The following CDC42BPB variants were observed in gnomAD, a reference collection of about 807,000 sequenced individuals.
CDC42BPB encodes serine/threonine-protein kinase MRCK beta.
Under a neutral mutation model 214.9 loss-of-function variants are expected in CDC42BPB, and 37 were observed. The ratio of observed to expected loss-of-function variants is 0.17; its 90% CI spans 0.13 to 0.23. The LOEUF (loss-of-function observed/expected upper bound fraction) is 0.23, where lower values mean the gene tolerates loss of function less well. Among genes scored for constraint, CDC42BPB ranks in the 10% least tolerant of loss-of-function variants. The pLI, the probability that CDC42BPB is intolerant of heterozygous loss-of-function variation, is 1.00. For synonymous variants in CDC42BPB, 931 were observed against 884.0 expected, an observed-to-expected ratio of 1.05 and a Z score of -0.94; for missense variants, 1,694 against 2,227.0, an observed-to-expected ratio of 0.76 and a Z score of 4.82.
chr14:102,958,562 AGAG>A (rs1465174380), intron 21 of CDC42BPB, among the ~76,000 whole-genome samples: 1 of 152,066 alleles, frequency 6.6e-6, no homozygotes, highest in Non-Finnish European at 1.5e-5. Context: ...CAGGTTTCAA[AGAG>A]GAGGAAAGGC....
rs148759838 is a variant in CDC42BPB at position 102,949,854 on chromosome 14, G to A, written c.3360C>T (p.Val1120=). 2.1e-3 allele frequency: 3,400 copies of A among 1,613,642 alleles called. 6 individuals carry two copies. Among genetic ancestry groups the A allele is most frequent in the Middle Eastern group, 3.3e-3 (20 of 6,062 alleles). ...VKKGWQRAYA[V]VCDCKLFLYD... is the part of the protein sequence containing the mutation. ...ACAGGAAGAGCTTGCAGTCACAGAC[G>A]ACTGCATATGCGCGCTGCCATCCCT... The change falls in exon 26 of 37, where the codon GTC becomes GTT. Residue 1120 remains valine (V), a synonymous_variant. Transcript: ENST00000361246.
At chr14:102,961,783 T>A (rs537064411) in intron 20 of CDC42BPB, among the ~76,000 whole-genome samples, 4 of 152,302 alleles carry the variant, frequency 2.6e-5, no homozygotes, top group African/African-American at 9.6e-5. Context: ...CCTCAGGTGA[T>A]CCGCCCACCT....
chr14:102,937,033 C>A (rs1251570078), intron 36 of CDC42BPB: 2 of 151,938 alleles, frequency 1.3e-5, no homozygotes, highest in African/African-American at 2.4e-5. Context: ...ATAAAAAAAA[C>A]AAAAAAATTG....
intron 1 of CDC42BPB, among the ~76,000 whole-genome samples, chr14:103,043,602 C>T (rs1366423022): frequency 6.6e-6 from 1 of 151,842 alleles, no homozygotes; most frequent in Admixed American, 6.6e-5. Flanking sequence ...GACGAATATA[C>T]TAAAACACAC....
intron 34 of CDC42BPB, among the ~76,000 whole-genome samples, 167 bp downstream of exon 34, chr14:102,939,443 T>C (rs868325127): frequency 1.3e-5 from 2 of 152,192 alleles, no homozygotes; most frequent in Non-Finnish European, 1.5e-5. Flanking sequence ...TAAGTGCTCG[T>C]GAACAGAGCT....
At chr14:102,934,099 T>G in intron 36 of CDC42BPB, 5 of 1,129,118 alleles carry the variant, frequency 4.4e-6, no homozygotes, top group Non-Finnish European at 5.7e-6. Context: ...AACTCTGTAG[T>G]GAAGAAATCA....
At chr14:102,937,149 C>T (rs1175408632) in intron 36 of CDC42BPB, 1 of 152,270 alleles carries the variant, frequency 6.6e-6, no homozygotes, top group African/African-American at 2.4e-5. Context: ...ACACCATGTC[C>T]TCTGTATAAT....
intron 18 of CDC42BPB, 71 bp downstream of exon 18, chr14:102,966,211 T>C (rs537535546): frequency 8.7e-7 from 1 of 1,148,634 alleles, no homozygotes; most frequent in South Asian, 1.3e-5. Context: ...AGTACTTATA[T>C]GTCACATTTA....
At chr14:102,964,126 G>A (rs1010258405) in intron 19 of CDC42BPB, among the ~76,000 whole-genome samples, 4 of 152,238 alleles carry the variant, frequency 2.6e-5, no homozygotes, top group African/African-American at 9.6e-5. Flanking sequence ...TAGCTTGAAA[G>A]GAACAATCTT....
Position 102,950,431 on chromosome 14 carries a change from C to T in CDC42BPB, c.3309+35G>A, listed in dbSNP as rs150990606. On this transcript the variant is annotated intron_variant, in intron 25 of 36. Coordinates refer to ENST00000361246, the MANE Select transcript of CDC42BPB (RefSeq NM_006035.4). The stretch of plus-strand genomic sequence containing the variant: ...GCTATTGGTCACTGCACCTCACAGG[C>T]ACCGAGGGCTGAGGGCGGAGATGAA... 6.8e-6 allele frequency: 11 copies of T among 1,609,680 alleles called. No homozygotes were observed. In the East Asian group the frequency reaches 2.0e-4, roughly 29 times the overall value.
chr14:103,032,408 T>A (rs1377836389), intron 1 of CDC42BPB, among the ~76,000 whole-genome samples: 3 of 151,900 alleles, frequency 2.0e-5, no homozygotes, highest in African/African-American at 7.3e-5. Flanking sequence ...TCCCACAAAA[T>A]ATACTGGGCC....
At chr14:102,997,326 A>G (rs924514149) in intron 5 of CDC42BPB, among the ~76,000 whole-genome samples, 2 of 152,190 alleles carry the variant, frequency 1.3e-5, no homozygotes, top group African/African-American at 4.8e-5. Flanking sequence ...CCAGTCACAG[A>G]CACACATGGA....
chr14:102,989,744 G>A (rs745901548), intron 5 of CDC42BPB, among the ~76,000 whole-genome samples: 17 of 151,948 alleles, frequency 1.1e-4, no homozygotes, highest in Admixed American at 4.6e-4. Flanking sequence ...GGTGGCGGGC[G>A]GCTACTCAGG....
chr14:103,017,210 C>A (rs1190044932), intron 1 of CDC42BPB, among the ~76,000 whole-genome samples: 1 of 152,076 alleles, frequency 6.6e-6, no homozygotes, highest in Non-Finnish European at 1.5e-5. Flanking sequence ...GTGGTTCTAG[C>A]TCCTCTCAAG....
rs186021712 is a variant in CDC42BPB at position 102,943,013 on chromosome 14, C to T, written c.4408+878G>A. On this transcript the variant is annotated intron_variant, in intron 30 of 36. Coordinates refer to ENST00000361246, the MANE Select transcript of CDC42BPB (RefSeq NM_006035.4). The surrounding 1 kb of genome is among the most constrained non-coding windows in gnomAD (Gnocchi z 4.6). ...CCTCCTGAGTAGCTGGGACTACAGG[C>T]GCCCGCCACCACGCCCGGCTAATTT... Among the ~76,000 whole-genome samples the T allele has an allele frequency of 3.3e-5, 5 of 152,286 alleles. No individual in the cohort carries two copies. Among genetic ancestry groups the T allele is most frequent in the African/African-American group, 9.6e-5 (4 of 41,544 alleles).
intron 2 of CDC42BPB, among the ~76,000 whole-genome samples, chr14:103,009,321 A>G (rs872945): frequency 0.24 from 36,326 of 152,244 alleles, 5,441 homozygotes; most frequent in Non-Finnish European, 0.33. Context: ...TTCACCAGGC[A>G]CATTCTGCGT....
intron 5 of CDC42BPB, among the ~76,000 whole-genome samples, chr14:102,987,659 A>G (rs1894303822): frequency 6.6e-6 from 1 of 152,186 alleles, no homozygotes; most frequent in Admixed American, 6.5e-5. Context: ...AACAAAACAC[A>G]AAACCAGAAA....
chr14:103,031,541 A>C (rs1223055340), intron 1 of CDC42BPB, among the ~76,000 whole-genome samples: 3 of 152,248 alleles, frequency 2.0e-5, no homozygotes, highest in Admixed American at 6.5e-5. Context: ...CTGCAGTAAA[A>C]ATACAAGATT....
At chr14:102,952,272 G>A (rs941959275) in intron 24 of CDC42BPB, among the ~76,000 whole-genome samples, 11 of 152,184 alleles carry the variant, frequency 7.2e-5, no homozygotes, top group Non-Finnish European at 2.9e-5. Flanking sequence ...CAAGGGAATC[G>A]CTTGAGCTGA....
Sources: allele counts gnomAD v4.1 joint callset (sites outside exome capture counted in the v4.1 genomes callset), GRCh38; gene constraint gnomAD v4.1.1; non-coding constraint Gnocchi (gnomAD v3.1); transcripts MANE v1.5; gene names NCBI Gene and HGNC (gene_info 2026-07-23, HGNC 2026-07-21).